DENND1B: variants seen among roughly 807,000 people sequenced by gnomAD.
DENND1B encodes DENN domain containing 1B.
DENND1B carries 59 observed loss-of-function variants against 90.1 expected under a neutral mutation model. That is an observed-to-expected ratio of 0.65 (90% CI 0.53 to 0.81). The LOEUF is 0.81. Ranked by LOEUF, DENND1B falls within the 40% of genes least tolerant of loss-of-function variation. The pLI, the probability that DENND1B is intolerant of heterozygous loss-of-function variation, is 0.00. For missense variants in DENND1B, 862 were observed against 912.6 expected, an observed-to-expected ratio of 0.94 and a Z score of 0.71; for synonymous variants, 337 against 324.6, an observed-to-expected ratio of 1.04 and a Z score of -0.41.
chr1:197,561,525 A>C (rs931621764), intron 15 of DENND1B, among the ~76,000 whole-genome samples: 5 of 151,746 alleles, frequency 3.3e-5, no homozygotes, highest in African/African-American at 2.4e-5. Context: ...CATCTAATCT[A>C]CATGCTGATG....
At chr1:197,554,927 G>GA (rs1337855058) in intron 15 of DENND1B, among the ~76,000 whole-genome samples, 3 of 150,722 alleles carry the variant, frequency 2.0e-5, no homozygotes, top group South Asian at 4.2e-4. Flanking sequence ...ATCTCTTACA[G>GA]AAAAAATTAA....
intron 20 of DENND1B, among the ~76,000 whole-genome samples, chr1:197,529,783 C>A (rs1669488435): frequency 6.6e-6 from 1 of 152,050 alleles, no homozygotes; most frequent in Non-Finnish European, 1.5e-5. Context: ...TTATATTTTT[C>A]ACTAAGTCTC....
chr1:197,713,819 A>AATATATTATATATAATATATTATATATT (rs1660267046), intron 3 of DENND1B, among the ~76,000 whole-genome samples: 1 of 55,750 alleles, frequency 1.8e-5, no homozygotes, highest in Non-Finnish European at 3.4e-5. Context: ...TATTATATAT[A>AATATATTATATATAATATATTATATATT]ATATATTATA....
chr1:197,604,904 A>G (rs1165272624), intron 13 of DENND1B, among the ~76,000 whole-genome samples: 2 of 151,172 alleles, frequency 1.3e-5, no homozygotes, highest in African/African-American at 2.4e-5. Flanking sequence ...AAACTGATGA[A>G]AAAGCTATAT....
intron 10 of DENND1B, among the ~76,000 whole-genome samples, chr1:197,642,021 T>A: frequency 6.6e-6 from 1 of 152,084 alleles, no homozygotes; most frequent in Non-Finnish European, 1.5e-5. Flanking sequence ...TTTAAAAATT[T>A]AAGTTGAAAA....
rs576991899 is a variant in DENND1B at position 197,703,693 on chromosome 1, C to A, written c.126+11338G>T. On this transcript the variant is annotated intron_variant, in intron 3 of 22. Transcript: ENST00000620048. ...AAAAATTGTTAAAATAAACTTCAAT[C>A]AATTTTGATGGGTTTGCTTCCCTGG... Among the ~76,000 whole-genome samples, 141 of 152,276 alleles carry A rather than the reference C, an allele frequency of 9.3e-4. 1 individual carries two copies. Among genetic ancestry groups the A allele is most frequent in the African/African-American group, 3.3e-3 (138 of 41,558 alleles).
chr1:197,546,722 C>T lies in DENND1B; in HGVS notation c.1281+11G>A. On this transcript the variant is annotated intron_variant, in intron 17 of 22. Coordinates refer to ENST00000620048, the MANE Select transcript of DENND1B (RefSeq NM_001195215.2). ...AGAGTGAAAGAATAACATTTGAAAG[C>T]TTATGATTACCTTGACTGTATGCAC... 5.2e-6 allele frequency: 8 copies of T among 1,541,810 alleles called. No individual in the cohort carries two copies. The highest frequency in any genetic ancestry group is 7.0e-6 in the Non-Finnish European group (8 of 1,144,360).
intron 20 of DENND1B, among the ~76,000 whole-genome samples, chr1:197,538,373 G>A (rs1157593317): frequency 2.0e-5 from 3 of 152,090 alleles, no homozygotes; most frequent in African/African-American, 4.8e-5. Flanking sequence ...ATGTTCTCCA[G>A]TTAACAGCAG....
chr1:197,618,270 T>C (rs962311922), intron 10 of DENND1B, among the ~76,000 whole-genome samples: 1 of 151,128 alleles, frequency 6.6e-6, no homozygotes, highest in Non-Finnish European at 1.5e-5. Flanking sequence ...TGTTCGACAG[T>C]TGGAGCTTCA....
intron 15 of DENND1B, among the ~76,000 whole-genome samples, chr1:197,582,489 G>A (rs1347508046): frequency 6.6e-6 from 1 of 152,106 alleles, no homozygotes; most frequent in Non-Finnish European, 1.5e-5. Context: ...AGAAAAACAA[G>A]TGTTAAGAAC....
chr1:197,624,774 T>A (rs1248401788), intron 10 of DENND1B, among the ~76,000 whole-genome samples: 1 of 151,546 alleles, frequency 6.6e-6, no homozygotes, highest in Admixed American at 6.6e-5. Flanking sequence ...TTTGAAAAAA[T>A]TTTAGACGAA....
intron 2 of DENND1B, among the ~76,000 whole-genome samples, chr1:197,758,372 T>G (rs1172981875): frequency 7.2e-5 from 11 of 152,208 alleles, no homozygotes; most frequent in Admixed American, 7.2e-4. Flanking sequence ...AGGAGGAAAG[T>G]TTTTTACTAA....
At chr1:197,737,054 T>C (rs755321705) in intron 2 of DENND1B, among the ~76,000 whole-genome samples, 3 of 152,212 alleles carry the variant, frequency 2.0e-5, no homozygotes, top group Non-Finnish European at 4.4e-5. Flanking sequence ...TGAGTCTAAA[T>C]CATACTTCAT....
intron 6 of DENND1B, among the ~76,000 whole-genome samples, chr1:197,654,046 A>C (rs904903449): frequency 2.0e-4 from 31 of 152,212 alleles, no homozygotes; most frequent in African/African-American, 7.2e-5. Context: ...TATACTTCAT[A>C]GAATTAAGCA....
At chr1:197,759,578 A>T (rs1222957245) in intron 2 of DENND1B, among the ~76,000 whole-genome samples, 3 of 151,338 alleles carry the variant, frequency 2.0e-5, no homozygotes, top group Non-Finnish European at 4.4e-5. Flanking sequence ...CTCTACTAAA[A>T]ATACAAAAAA....
rs889084156 is a variant in DENND1B, at chr1:197,507,387, C to T, written c.*3073G>A. ...AAAATAATCATGCTATGTTTTGGTGCTTTTCTAAGACACATTAAAGTAGGT... is the reference window on the plus strand; with the variant it reads ...AAAATAATCATGCTATGTTTTGGTGTTTTTCTAAGACACATTAAAGTAGGT... On this transcript the variant is annotated 3_prime_UTR_variant, in exon 23 of 23. Transcript: ENST00000620048. 2.0e-5 allele frequency: 3 copies of T among 151,102 alleles called. No individual in the cohort carries two copies. Among genetic ancestry groups the T allele is most frequent in the African/African-American group, 7.3e-5 (3 of 41,230 alleles). The allele number at this position is 151,102 out of a possible 1,614,324, so 9.4% of individuals were successfully genotyped here.
chr1:197,585,251 C>T (rs1247095855), intron 14 of DENND1B, among the ~76,000 whole-genome samples: 2 of 152,054 alleles, frequency 1.3e-5, no homozygotes, highest in Non-Finnish European at 2.9e-5. Context: ...TGAGCTAAGC[C>T]TTATTCTATA....
At chr1:197,512,082 G>A (rs1457673006) in intron 21 of DENND1B, 138 bp from the exon 22 acceptor site, 22 of 638,664 alleles carry the variant, frequency 3.4e-5, no homozygotes, top group East Asian at 2.8e-5. Flanking sequence ...ATTCTTTACC[G>A]TGATGTGTAT....
At chr1:197,650,466 T>G (rs1283698378) in intron 7 of DENND1B, among the ~76,000 whole-genome samples, 1 of 152,146 alleles carries the variant, frequency 6.6e-6, no homozygotes, top group Non-Finnish European at 1.5e-5. Flanking sequence ...TGAGATTCCT[T>G]AAAGAACTAA....
Sources: allele counts gnomAD v4.1 joint callset (sites outside exome capture counted in the v4.1 genomes callset), GRCh38; gene constraint gnomAD v4.1.1; transcripts MANE v1.5; gene names NCBI Gene and HGNC (gene_info 2026-07-23, HGNC 2026-07-21).